BRWD3: variants seen among roughly 807,000 people sequenced by gnomAD.
BRWD3 encodes bromodomain and WD repeat-containing protein 3.
Under a neutral mutation model 149.7 loss-of-function variants are expected in BRWD3, and 10 were observed. That is an observed-to-expected ratio of 0.07 (90% CI 0.04 to 0.11). The LOEUF (loss-of-function observed/expected upper bound fraction) is 0.11, where lower values mean the gene tolerates loss of function less well. Among genes scored for constraint, BRWD3 ranks in the 10% least tolerant of loss-of-function variants. BRWD3 has a pLI of 1.00. For synonymous variants in BRWD3, 504 were observed against 456.7 expected (o/e 1.10, Z -1.32); for missense variants, 940 against 1,373.2 (o/e 0.68, Z 4.99).
chrX:80,719,464 C>T, intron 18 of BRWD3, 25 bp downstream of exon 18: 1 of 1,166,054 alleles, frequency 8.6e-7, no homozygotes, highest in Non-Finnish European at 1.2e-6. Context: ...TAAACTACAC[C>T]CTTTACAAGT....
intron 7 of BRWD3, among the ~76,000 whole-genome samples, 175 bp downstream of exon 7, chrX:80,745,394 T>A (rs2073578176): frequency 8.9e-6 from 1 of 112,265 alleles, no homozygotes; most frequent in Admixed American, 9.5e-5. Flanking sequence ...AACATTTTTG[T>A]TCATTCGTTT....
At position 80,800,539 on chromosome X, in the gene BRWD3, C is replaced by CA. The variant is rs56396812; in HGVS notation, c.181-6768dup. ...TGGGTAACAGAGTGAGATGCTGTCT[C>CA]AAAAAAAAAAAAAATACAAATACAA... On this transcript the variant is annotated intron_variant, in intron 4 of 40. Coordinates refer to ENST00000373275, the MANE Select transcript of BRWD3 (RefSeq NM_153252.5). 8.1e-3 allele frequency among the ~76,000 whole-genome samples: 270 copies of CA among 33,298 alleles called. 1 individual carries two copies. Among genetic ancestry groups the CA allele is most frequent in the Middle Eastern group, 0.019 (1 of 54 alleles). The allele number at this position is 33,298 out of a possible 115,157, so 28.9% of individuals were successfully genotyped here.
At chrX:80,727,492 A>G (rs1356617949) in intron 14 of BRWD3, among the ~76,000 whole-genome samples, 1 of 110,739 alleles carries the variant, frequency 9.0e-6, no homozygotes, top group Non-Finnish European at 1.9e-5. Flanking sequence ...ACCTTTGCAC[A>G]TGCCGTTCCC....
chrX:80,765,232 C>T (rs1347373797), intron 6 of BRWD3, among the ~76,000 whole-genome samples: 3 of 111,775 alleles, frequency 2.7e-5, no homozygotes, highest in African/African-American at 9.8e-5. Context: ...AAGCAAGTAT[C>T]CAATGCCTCT....
chrX:80,711,582 T>G (rs769269948), intron 20 of BRWD3, among the ~76,000 whole-genome samples: 1 of 111,939 alleles, frequency 8.9e-6, no homozygotes, highest in South Asian at 3.7e-4. Context: ...TCTGGCACTT[T>G]TATTTAAGTC....
At chrX:80,699,595 T>C (rs763923879) in intron 25 of BRWD3, among the ~76,000 whole-genome samples, 1 of 111,856 alleles carries the variant, frequency 8.9e-6, no homozygotes, top group African/African-American at 3.3e-5. Flanking sequence ...TGATTTATCA[T>C]ATTTAAAATA....
In BRWD3 at chrX:80,672,445, T is replaced by A. The variant is rs2147662491; in HGVS notation, c.*4164A>T. 1 of 85,859 alleles carries A rather than the reference T, an allele frequency of 1.2e-5. No individual in the cohort carries two copies. The highest frequency in any genetic ancestry group is 4.4e-5 in the African/African-American group (1 of 22,906). The allele number at this position is 85,859 out of a possible 1,213,427, so 7.1% of individuals were successfully genotyped here. On this transcript the variant is annotated 3_prime_UTR_variant, in exon 41 of 41. Transcript: ENST00000373275. ...GAGGGGGGAGGGAGGAATGAAGGAA[T>A]GAAGGAAGAAGGAAGGAGAAAAGAA...
chrX:80,804,244 CT>C (rs558904504), intron 4 of BRWD3, among the ~76,000 whole-genome samples: 5,018 of 99,768 alleles, frequency 0.05, 102 homozygotes, highest in Non-Finnish European at 0.069. Context: ...TTGGTTCAGT[CT>C]TTTTTTTTTT....
At position 80,672,564 on chromosome X, in the gene BRWD3, A is replaced by C. The variant is rs2072332107; in HGVS notation, c.*4045T>G. The C allele has an allele frequency of 1.8e-5, 2 of 112,015 alleles. No homozygotes were observed. Among genetic ancestry groups the C allele is most frequent in the Non-Finnish European group, 3.8e-5 (2 of 53,144 alleles). The allele number at this position is 112,015 out of a possible 1,213,427, so 9.2% of individuals were successfully genotyped here. A position where few individuals can be genotyped will look rare whatever the true frequency, so the allele number is the denominator to read the frequency against. On this transcript the variant is annotated 3_prime_UTR_variant, in exon 41 of 41. Coordinates refer to ENST00000373275, the MANE Select transcript of BRWD3 (RefSeq NM_153252.5). ...ATTGCAATTTAATCAAAACTTGGTAAAGAAGCTTTGCTAAAAGATGAGAAA... is the reference window on the plus strand; with the variant it reads ...ATTGCAATTTAATCAAAACTTGGTACAGAAGCTTTGCTAAAAGATGAGAAA...
intron 21 of BRWD3, 37 bp from the exon 22 acceptor site, chrX:80,707,540 T>G (rs763952723): frequency 1.5e-5 from 17 of 1,137,126 alleles, no homozygotes; most frequent in Non-Finnish European, 2.0e-5. Context: ...TATATGGATA[T>G]TACCAGCTAA....
chrX:80,709,497 G>T lies in BRWD3; in HGVS notation c.2406C>A (p.Asn802Lys). ...ATGATGCCTGTGAATTATGCTCTATGTTGGACCGTGTTTGGTAAGTATGCT... is the reference window on the plus strand; with the variant it reads ...ATGATGCCTGTGAATTATGCTCTATTTTGGACCGTGTTTGGTAAGTATGCT... ...KRQHTYQTRS[N>K]IEHNSQASCQ... The change falls in exon 21 of 41, where the codon AAC (asparagine) becomes AAA (lysine). Residue 802 changes from asparagine to lysine, a missense_variant. Around this residue, in one of 6 missense-constraint regions of BRWD3, gnomAD observed 103 missense variants for 103.2 expected, o/e 1.00. Coordinates refer to ENST00000373275, the MANE Select transcript of BRWD3 (RefSeq NM_153252.5). 1 of 1,209,510 alleles carries T rather than the reference G, an allele frequency of 8.3e-7. No individual in the cohort carries two copies. Among genetic ancestry groups the T allele is most frequent in the South Asian group, 1.8e-5 (1 of 56,934 alleles).
chrX:80,717,863 T>C, intron 18 of BRWD3, 104 bp from the exon 19 acceptor site: 1 of 682,043 alleles, frequency 1.5e-6, no homozygotes, highest in Non-Finnish European at 2.3e-6. Flanking sequence ...AGTACTGCTG[T>C]AAGAATTGCT....
At chrX:80,759,547 T>G (rs2073781067) in intron 6 of BRWD3, among the ~76,000 whole-genome samples, 1 of 111,789 alleles carries the variant, frequency 8.9e-6, no homozygotes, top group African/African-American at 3.2e-5. Context: ...ATAGAGAAAA[T>G]TAAAGCAAAA....
chrX:80,747,558 T>C (rs1187687748), intron 6 of BRWD3, among the ~76,000 whole-genome samples: 5 of 111,255 alleles, frequency 4.5e-5, no homozygotes, highest in African/African-American at 1.6e-4. Context: ...CTGCAGGAGA[T>C]AGAAAGCAAA....
At position 80,809,000 on chromosome X, in the gene BRWD3, A is replaced by G; in HGVS notation, c.120+13T>C. On this transcript the variant is annotated intron_variant, in intron 3 of 40. Coordinates refer to ENST00000373275, the MANE Select transcript of BRWD3 (RefSeq NM_153252.5). ...CCTCAACCCTCCCCACCCTTCCCGA[A>G]GGGGCTCCGTACCTGATGCTCCTCG... 1 of 1,197,320 alleles carries G rather than the reference A, an allele frequency of 8.4e-7. No individual in the cohort carries two copies.
intron 25 of BRWD3, among the ~76,000 whole-genome samples, chrX:80,697,466 C>G (rs1350197955): frequency 1.8e-5 from 2 of 111,118 alleles, no homozygotes; most frequent in Admixed American, 9.6e-5. Context: ...TAACCCCTAT[C>G]CCCCTCCTAA....
At chrX:80,776,133 A>C (rs2073998399) in intron 6 of BRWD3, among the ~76,000 whole-genome samples, 1 of 112,232 alleles carries the variant, frequency 8.9e-6, no homozygotes, top group South Asian at 3.7e-4. Flanking sequence ...ATTTAACAGC[A>C]AAAATTATAC....
At position 80,717,570 on chromosome X, in the gene BRWD3, C is replaced by T. The variant is rs2073091180; in HGVS notation, c.2231+3G>A. 1 of 1,208,713 alleles carries T rather than the reference C, an allele frequency of 8.3e-7. No individual in the cohort carries two copies. ...TTTTCTAAATGTTACCTTATTGACT[C>T]ACCTACTAACCCCATTATTTAGTTC... On this transcript the variant is annotated splice_donor_region_variant and intron_variant, in intron 19 of 40. Coordinates refer to ENST00000373275, the MANE Select transcript of BRWD3 (RefSeq NM_153252.5).
chrX:80,767,633 A>G (rs2073880595), intron 6 of BRWD3, among the ~76,000 whole-genome samples: 1 of 111,271 alleles, frequency 9.0e-6, no homozygotes, highest in Admixed American at 9.5e-5. Flanking sequence ...AATTCTAAAA[A>G]CCAGAGAGAA....
Sources: gnomAD v4.1 joint callset for allele counts (sites outside exome capture counted in the v4.1 genomes callset) on GRCh38, gnomAD v4.1.1 for gene constraint, gnomAD v4.1.1 regional missense constraint, MANE v1.5 for transcripts, NCBI Gene and HGNC (gene_info 2026-07-23, HGNC 2026-07-21) for gene names.